Variants in MAML2 observed in about 807,000 individuals in gnomAD.
MAML2 encodes mastermind like transcriptional coactivator 2.
A neutral mutation model predicts 96.1 loss-of-function variants in MAML2; 22 were observed. That is an observed-to-expected ratio of 0.23 (90% CI 0.16 to 0.33). The LOEUF (loss-of-function observed/expected upper bound fraction) is 0.33. MAML2 is among the 10% of genes least tolerant of loss of function. MAML2 has a pLI of 1.00. For missense variants in MAML2, 1,367 were observed against 1,392.4 expected (o/e 0.98, Z 0.29); for synonymous variants, 561 against 521.3 (o/e 1.08, Z -1.04).
chr11:96,220,492 C>T (rs578035529), intron 1 of MAML2, among the ~76,000 whole-genome samples: 1 of 152,170 alleles, frequency 6.6e-6, no homozygotes, highest in East Asian at 1.9e-4. Flanking sequence ...TCTAAGTCAT[C>T]AGTGAGGAAG....
intron 1 of MAML2, among the ~76,000 whole-genome samples, chr11:96,147,321 G>A (rs921144729): frequency 1.3e-5 from 2 of 152,126 alleles, no homozygotes; most frequent in African/African-American, 4.8e-5. Context: ...CTACATGACT[G>A]TAATATGGAT....
chr11:96,041,027 G>A (rs1236935993), intron 2 of MAML2, among the ~76,000 whole-genome samples: 2 of 152,180 alleles, frequency 1.3e-5, no homozygotes, highest in South Asian at 2.1e-4. Flanking sequence ...GTATGTTCCA[G>A]TATGTGATTA....
chr11:96,015,985 C>T (rs1858345878), intron 2 of MAML2, among the ~76,000 whole-genome samples: 1 of 152,066 alleles, frequency 6.6e-6, no homozygotes, highest in Non-Finnish European at 1.5e-5. Context: ...AGAGATAATA[C>T]ATGCATGGCT....
At chr11:96,242,011 A>G (rs1234024055) in intron 1 of MAML2, among the ~76,000 whole-genome samples, 2 of 152,224 alleles carry the variant, frequency 1.3e-5, no homozygotes, top group Non-Finnish European at 2.9e-5. Flanking sequence ...TTTGCATGAG[A>G]GCCCATGCAA....
intron 1 of MAML2, among the ~76,000 whole-genome samples, chr11:96,220,205 G>T (rs941855196): frequency 2.0e-5 from 3 of 152,138 alleles, no homozygotes; most frequent in Non-Finnish European, 2.9e-5. Context: ...GGGGGTGGGG[G>T]AACACTGCCT....
chr11:96,049,357 C>T (rs1473322005), intron 2 of MAML2, among the ~76,000 whole-genome samples: 6 of 152,118 alleles, frequency 3.9e-5, no homozygotes, highest in African/African-American at 7.2e-5. Flanking sequence ...TATTTTCATC[C>T]AAATTTAACT....
At chr11:96,282,557 T>C (rs1264191362) in intron 1 of MAML2, among the ~76,000 whole-genome samples, 1 of 152,188 alleles carries the variant, frequency 6.6e-6, no homozygotes, top group Non-Finnish European at 1.5e-5. Context: ...TTTGTTTAAA[T>C]TATCTCTCCA....
At chr11:96,231,999 G>T (rs924456250) in intron 1 of MAML2, among the ~76,000 whole-genome samples, 1 of 152,272 alleles carries the variant, frequency 6.6e-6, no homozygotes, top group Admixed American at 6.5e-5. Context: ...GCTAGATAGG[G>T]ATATTTTATT....
chr11:96,292,213 G>C (rs1209510146), intron 1 of MAML2, among the ~76,000 whole-genome samples: 2 of 152,152 alleles, frequency 1.3e-5, no homozygotes, highest in Admixed American at 1.3e-4. Context: ...GCATATGATG[G>C]AAGTGGTCCA....
At chr11:96,154,299 G>A (rs1708241999) in intron 1 of MAML2, among the ~76,000 whole-genome samples, 1 of 152,156 alleles carries the variant, frequency 6.6e-6, no homozygotes, top group Admixed American at 6.5e-5. Flanking sequence ...CTTTTGAGCA[G>A]TCTGCAACAC....
intron 1 of MAML2, among the ~76,000 whole-genome samples, chr11:96,199,071 G>A (rs1415761396): frequency 2.6e-5 from 4 of 151,970 alleles, no homozygotes; most frequent in East Asian, 1.9e-4. Context: ...GCTGGCGGGC[G>A]CCTGTAATCC....
chr11:96,037,581 A>G (rs1858738683), intron 2 of MAML2, among the ~76,000 whole-genome samples: 1 of 152,196 alleles, frequency 6.6e-6, no homozygotes. Flanking sequence ...GATTGATACT[A>G]TGACTTCTGA....
At chr11:95,987,328 C>G (rs1857842870) in intron 3 of MAML2, among the ~76,000 whole-genome samples, 1 of 151,976 alleles carries the variant, frequency 6.6e-6, no homozygotes, top group South Asian at 2.1e-4. Flanking sequence ...TTGTTTATAC[C>G]CAACAGAGAA....
intron 1 of MAML2, among the ~76,000 whole-genome samples, chr11:96,250,313 C>T (rs1404666867): frequency 1.3e-5 from 2 of 151,830 alleles, no homozygotes; most frequent in African/African-American, 4.8e-5. Flanking sequence ...TCATGAGGTA[C>T]ATAGTGATGT....
chr11:96,245,634 A>AT (rs1480650355), intron 1 of MAML2, among the ~76,000 whole-genome samples: 2 of 151,808 alleles, frequency 1.3e-5, no homozygotes, highest in African/African-American at 4.8e-5. Context: ...TTCAATATGA[A>AT]TTTGTATGGC....
intron 2 of MAML2, among the ~76,000 whole-genome samples, chr11:96,085,603 G>T (rs1042023174): frequency 4.6e-5 from 7 of 152,224 alleles, no homozygotes; most frequent in African/African-American, 1.7e-4. Context: ...CCATCTCCAG[G>T]TTCAAATCTA....
At chr11:96,030,923 AG>A (rs1306451396) in intron 2 of MAML2, among the ~76,000 whole-genome samples, 4 of 152,184 alleles carry the variant, frequency 2.6e-5, no homozygotes, top group Non-Finnish European at 5.9e-5. Context: ...GTTCTTATTA[AG>A]GGTGGACAAA....
chr11:96,042,358 A>G (rs1332135315), intron 2 of MAML2, among the ~76,000 whole-genome samples: 3 of 151,658 alleles, frequency 2.0e-5, no homozygotes, highest in Non-Finnish European at 2.9e-5. Context: ...CCGACCTCAG[A>G]TGATCCACCT....
At chr11:96,023,124 G>T (rs1858461170) in intron 2 of MAML2, among the ~76,000 whole-genome samples, 1 of 152,162 alleles carries the variant, frequency 6.6e-6, no homozygotes, top group Non-Finnish European at 1.5e-5. Context: ...CCTCTGCAGT[G>T]GGCAGGCTGG....
Sources: allele counts gnomAD v4.1 joint callset (sites outside exome capture counted in the v4.1 genomes callset), GRCh38; gene constraint gnomAD v4.1.1; transcripts MANE v1.5; gene names NCBI Gene and HGNC (gene_info 2026-07-23, HGNC 2026-07-21).